Variants in NPAS2 observed in about 807,000 individuals in gnomAD.
NPAS2 encodes neuronal PAS domain-containing protein 2.
A neutral mutation model predicts 107.5 loss-of-function variants in NPAS2; 23 were observed. The ratio of observed to expected loss-of-function variants is 0.21; its 90% confidence interval spans 0.15 to 0.30. The LOEUF (loss-of-function observed/expected upper bound fraction) is 0.30. NPAS2 is among the 10% of genes least tolerant of loss of function. NPAS2 has a pLI of 1.00. For missense variants in NPAS2, 756 were observed against 1,043.3 expected (o/e 0.72, Z 3.79); for synonymous variants, 403 against 417.5 (o/e 0.97, Z 0.42).
rs1395864061 is a variant in NPAS2 at position 100,842,086 on chromosome 2, CACACACACACACACACACA to C, written c.-23+21673_-23+21691del. Among the ~76,000 whole-genome samples the C allele has an allele frequency of 5.1e-5, 5 of 97,202 alleles. No homozygotes were observed. The East Asian group carries it at 4.2e-3, about 81-fold the overall frequency. 63.8% of individuals were successfully genotyped at this position (97,202 alleles called of 152,430 possible). On this transcript the variant is annotated intron_variant, in intron 1 of 20. Coordinates refer to ENST00000335681, the MANE Select transcript of NPAS2 (RefSeq NM_002518.4). ...GCATGAGTGTGCATGTACGCGCACA[CACACACACACACACACACA>C]CACACTTAAGCCCCCAGGTGCCAGG...
In NPAS2 at chr2:100,873,307, TACACACACACAC is replaced by T. The variant is rs368306404; in HGVS notation, c.-22-31402_-22-31391del. On this transcript the variant is annotated intron_variant, in intron 1 of 20. Coordinates refer to ENST00000335681, the MANE Select transcript of NPAS2 (RefSeq NM_002518.4). The stretch of plus-strand genomic sequence containing the variant: ...ATATATATATATATATATATATATA[TACACACACACAC>T]ACACACACACACACACACACACATA... Among the ~76,000 whole-genome samples the T allele has an allele frequency of 3.6e-3, 151 of 41,856 alleles. 1 individual carries two copies. Among genetic ancestry groups the T allele is most frequent in the African/African-American group, 0.011 (143 of 12,552 alleles). 27.5% of individuals were successfully genotyped at this position (41,856 alleles called of 152,430 possible).
At position 100,873,307 on chromosome 2, in the gene NPAS2, TAC is replaced by T. The variant is rs368306404; in HGVS notation, c.-22-31392_-22-31391del. 5.5e-3 allele frequency among the ~76,000 whole-genome samples: 232 copies of T among 41,856 alleles called. 1 individual carries two copies. Among genetic ancestry groups the T allele is most frequent in the Admixed American group, 0.011 (25 of 2,300 alleles). The allele number at this position is 41,856 out of a possible 152,430, so 27.5% of individuals were successfully genotyped here. A position where few individuals can be genotyped will look rare whatever the true frequency, so the allele number is the denominator to read the frequency against. ...ATATATATATATATATATATATATA[TAC>T]ACACACACACACACACACACACACA... is the stretch of plus-strand genomic sequence containing the variant. On this transcript the variant is annotated intron_variant, in intron 1 of 20. Transcript: ENST00000335681.
At chr2:100,845,354 G>T (rs1677710698) in intron 1 of NPAS2, among the ~76,000 whole-genome samples, 1 of 152,138 alleles carries the variant, frequency 6.6e-6, no homozygotes, top group Non-Finnish European at 1.5e-5. Context: ...TAGATGAGGG[G>T]CTGGCTTCCT....
intron 1 of NPAS2, among the ~76,000 whole-genome samples, chr2:100,875,845 G>A (rs1053563020): frequency 6.6e-5 from 10 of 152,110 alleles, no homozygotes; most frequent in African/African-American, 1.9e-4. Context: ...AAGGGGAGAC[G>A]GATGAGGAAA....
chr2:100,834,295 A>G (rs1676926202), intron 1 of NPAS2, among the ~76,000 whole-genome samples: 1 of 152,170 alleles, frequency 6.6e-6, no homozygotes, highest in East Asian at 1.9e-4. Flanking sequence ...GCCACAGGCC[A>G]ACTACCCACT....
chr2:100,981,944 T>C (rs1392667071), intron 15 of NPAS2, among the ~76,000 whole-genome samples: 2 of 152,220 alleles, frequency 1.3e-5, no homozygotes, highest in East Asian at 3.9e-4. Context: ...CCTGTCCCAA[T>C]TCTGTGGCCC....
chr2:100,936,177 C>A (rs1167571559), intron 4 of NPAS2, among the ~76,000 whole-genome samples: 1 of 152,226 alleles, frequency 6.6e-6, no homozygotes, highest in Non-Finnish European at 1.5e-5. Context: ...GAAAAGAACT[C>A]TTTCCCCTTT....
At chr2:100,898,663 A>G (rs1316086387) in intron 1 of NPAS2, among the ~76,000 whole-genome samples, 2 of 152,188 alleles carry the variant, frequency 1.3e-5, no homozygotes, top group Non-Finnish European at 2.9e-5. Context: ...AATGGCTCCA[A>G]TTGTTAATCT....
intron 1 of NPAS2, among the ~76,000 whole-genome samples, chr2:100,875,934 A>G (rs1679939946): frequency 6.6e-6 from 1 of 152,204 alleles, no homozygotes; most frequent in South Asian, 2.1e-4. Context: ...AAATGGGAGG[A>G]TGGGTTAAAA....
chr2:100,990,837 G>A lies in NPAS2; in HGVS notation c.2076G>A (p.Gln692=). The change falls in exon 19 of 21, where the codon CAG becomes CAA. Residue 692 remains glutamine (Q), a synonymous_variant. Coordinates refer to ENST00000335681, the MANE Select transcript of NPAS2 (RefSeq NM_002518.4). The part of the protein sequence containing the change: ...PMMPGSCDAR[Q]PSEVSRTGRQ... The stretch of plus-strand genomic sequence containing the variant: ...TGCCCGGGTCCTGTGACGCAAGGCA[G>A]CCCTCGGAAGTCAGCAGGACGGGAC... The A allele has an allele frequency of 2.5e-6, 4 of 1,614,204 alleles. No homozygotes were observed. The highest frequency in any genetic ancestry group is 3.4e-6 in the Non-Finnish European group (4 of 1,180,036).
intron 7 of NPAS2, among the ~76,000 whole-genome samples, chr2:100,960,770 G>A (rs2105130189): frequency 6.6e-6 from 1 of 152,234 alleles, no homozygotes; most frequent in East Asian, 1.9e-4. Flanking sequence ...CTGTGTGCTA[G>A]TTGCTGGCAA....
chr2:100,992,037 T>G (rs1247597954), intron 19 of NPAS2, among the ~76,000 whole-genome samples: 1 of 152,212 alleles, frequency 6.6e-6, no homozygotes, highest in East Asian at 1.9e-4. Context: ...ATCTGTAAAG[T>G]TCCGTTCATG....
intron 1 of NPAS2, among the ~76,000 whole-genome samples, chr2:100,885,784 T>TCTGC (rs1465613431): frequency 6.6e-6 from 1 of 152,074 alleles, no homozygotes; most frequent in Non-Finnish European, 1.5e-5. Flanking sequence ...AAGTGATTCT[T>TCTGC]CTGCCTCAGC....
intron 5 of NPAS2, among the ~76,000 whole-genome samples, chr2:100,938,646 G>A (rs1013896978): frequency 1.2e-5 from 1 of 83,982 alleles, no homozygotes; most frequent in African/African-American, 5.1e-5. Flanking sequence ...AACACAGGAT[G>A]AAGTGACTCA....
intron 5 of NPAS2, among the ~76,000 whole-genome samples, chr2:100,947,116 G>A (rs1336449011): frequency 3.3e-5 from 5 of 152,180 alleles, no homozygotes; most frequent in Admixed American, 6.5e-5. Context: ...TACAGATTGT[G>A]TTTGAAGCTG....
chr2:100,874,728 G>A (rs1254003335), intron 1 of NPAS2, among the ~76,000 whole-genome samples: 1 of 152,060 alleles, frequency 6.6e-6, no homozygotes, highest in Non-Finnish European at 1.5e-5. Context: ...GGGGACAGGA[G>A]TGAAACTCCA....
At chr2:100,874,311 G>T (rs1330470997) in intron 1 of NPAS2, among the ~76,000 whole-genome samples, 2 of 152,168 alleles carry the variant, frequency 1.3e-5, no homozygotes, top group Non-Finnish European at 2.9e-5. Flanking sequence ...CAACCCACAT[G>T]ATGGAGCAGA....
At chr2:100,843,004 A>T (rs1335983461) in intron 1 of NPAS2, among the ~76,000 whole-genome samples, 1 of 152,060 alleles carries the variant, frequency 6.6e-6, no homozygotes, top group Non-Finnish European at 1.5e-5. Context: ...GCAGATCATG[A>T]GGTCAAGAGA....
At chr2:100,952,506 G>A (rs1425715761) in intron 7 of NPAS2, among the ~76,000 whole-genome samples, 1 of 152,026 alleles carries the variant, frequency 6.6e-6, no homozygotes, top group East Asian at 1.9e-4. Flanking sequence ...GGAAGTTGCA[G>A]TAAGCCAAGA....
Sources: allele counts gnomAD v4.1 joint callset (sites outside exome capture counted in the v4.1 genomes callset), GRCh38; gene constraint gnomAD v4.1.1; transcripts MANE v1.5; gene names NCBI Gene and HGNC (gene_info 2026-07-23, HGNC 2026-07-21).